EXD2: variants seen among roughly 807,000 people sequenced by gnomAD.
EXD2 encodes exonuclease 3'-5' domain containing 2.
A neutral mutation model predicts 62.5 loss-of-function variants in EXD2; 40 were observed. The observed-to-expected ratio is 0.64, with a 90% CI of 0.50 to 0.83. The LOEUF is 0.83. Ranked by LOEUF, EXD2 falls within the 40% of genes least tolerant of loss-of-function variation. EXD2 has a pLI of 0.00. For synonymous variants in EXD2, 239 were observed against 291.9 expected, an observed-to-expected ratio of 0.82 and a Z score of 1.85; for missense variants, 671 against 761.8, an observed-to-expected ratio of 0.88 and a Z score of 1.40.
Position 69,204,626 on chromosome 14 carries a change from A to T in EXD2, c.-48+626A>T, listed in dbSNP as rs142588654. ...AGAATGACAGATTGTTTCACTGATG[A>T]GATTTAGTGAGGGATCGAAAAGCTT... On this transcript the variant is annotated intron_variant, in intron 2 of 9. Transcript: ENST00000685843. Among the ~76,000 whole-genome samples, 373 of 152,266 alleles carry T rather than the reference A, an allele frequency of 2.4e-3. 2 individuals carry two copies. Among genetic ancestry groups the T allele is most frequent in the African/African-American group, 7.7e-3 (319 of 41,532 alleles).
intron 1 of EXD2, among the ~76,000 whole-genome samples, chr14:69,194,864 GTTA>G (rs903865515): frequency 6.6e-6 from 1 of 152,038 alleles, no homozygotes; most frequent in African/African-American, 2.4e-5. Flanking sequence ...AATATTTTTG[GTTA>G]TTATTAGTTT....
rs56333403 is a variant in EXD2, at chr14:69,206,455, C to CTT, written c.-48+2485_-48+2486dup. Among the ~76,000 whole-genome samples the CTT allele has an allele frequency of 1.3e-3, 122 of 94,620 alleles. 9 individuals are homozygous for CTT. The highest frequency in any genetic ancestry group is 3.6e-3 in the African/African-American group (80 of 22,170). 62.1% of individuals were successfully genotyped at this position (94,620 alleles called of 152,430 possible). A position where few individuals can be genotyped will look rare whatever the true frequency, so the allele number is the denominator to read the frequency against. ...CCCAGCTTCATCTCCCACCCACCCA[C>CTT]TTTTTTTTTTTTTTTTTTTTTTTTT... On this transcript the variant is annotated intron_variant, in intron 2 of 9. Coordinates refer to ENST00000685843, the MANE Select transcript of EXD2 (RefSeq NM_001193360.2).
chr14:69,241,534 T>G lies in EXD2; in HGVS notation c.*434T>G, dbSNP rs1352901893. On this transcript the variant is annotated 3_prime_UTR_variant, in exon 10 of 10. Transcript: ENST00000685843. The stretch of plus-strand genomic sequence containing the variant: ...CCTGTTAGGAGGGGAGAAAAAGTTC[T>G]TCCAAAGGCTGGAGAAGTGAACAAG... 1 of 267,788 alleles carries G rather than the reference T, an allele frequency of 3.7e-6. No homozygotes were observed. Among genetic ancestry groups the G allele is most frequent in the African/African-American group, 2.2e-5 (1 of 45,482 alleles). 16.6% of individuals were successfully genotyped at this position (267,788 alleles called of 1,614,324 possible). A position where few individuals can be genotyped will look rare whatever the true frequency, so the allele number is the denominator to read the frequency against.
chr14:69,202,831 TAGA>T (rs1594729803), intron 1 of EXD2, among the ~76,000 whole-genome samples: 1 of 152,194 alleles, frequency 6.6e-6, no homozygotes, highest in East Asian at 1.9e-4. Context: ...AGATGAAATT[TAGA>T]AGAAGGATTT....
chr14:69,196,751 G>A (rs560169121), intron 1 of EXD2, among the ~76,000 whole-genome samples: 1 of 151,166 alleles, frequency 6.6e-6, no homozygotes. Flanking sequence ...AGCCTCCCAA[G>A]TAGCTAAGTC....
In EXD2 at chr14:69,237,834, C is replaced by A; in HGVS notation, c.1552C>A (p.Gln518Lys). 6.2e-7 allele frequency: 1 copy of A among 1,613,616 alleles called. No homozygotes were observed. Among genetic ancestry groups the A allele is most frequent in the South Asian group, 1.1e-5 (1 of 90,986 alleles). The change falls in exon 9 of 10, where the codon CAG becomes AAG. Residue 518 changes from glutamine (Q) to lysine (K), a missense_variant. Coordinates refer to ENST00000685843, the MANE Select transcript of EXD2 (RefSeq NM_001193360.2). ...GCTCAACGCGGAGAGCCTGCCTACT[C>A]AGCGAAAGGAGGAGCTGCTGCAAGC... is the stretch of plus-strand genomic sequence containing the variant. ...ALLNAESLPT[Q>K]RKEELLQALR...
At chr14:69,231,370 C>A (rs763550426) in intron 5 of EXD2, among the ~76,000 whole-genome samples, 44 of 152,164 alleles carry the variant, frequency 2.9e-4, no homozygotes, top group Non-Finnish European at 2.5e-4. Flanking sequence ...TGACATCATA[C>A]TGTGGGAGAT....
In EXD2 at chr14:69,237,775, AGCGCCG is replaced by A; in HGVS notation, c.1496_1501del (p.Arg499_Arg500del). The A allele has an allele frequency of 6.2e-7, 1 of 1,613,660 alleles. No homozygotes were observed. The highest frequency in any genetic ancestry group is 8.5e-7 in the Non-Finnish European group (1 of 1,179,868). The stretch of plus-strand genomic sequence containing the variant: ...GGCTTGCGCCTGCTGGAAGATCCTG[AGCGCCG>A]GCAGGTGCGTTCTGGGGCCAGGGCC... On this transcript the variant is annotated inframe_deletion, in exon 9 of 10. Transcript: ENST00000685843.
chr14:69,226,693 A>C (rs757835183), intron 3 of EXD2, among the ~76,000 whole-genome samples: 4 of 151,938 alleles, frequency 2.6e-5, no homozygotes, highest in African/African-American at 9.7e-5. Flanking sequence ...GGTTGCAGTG[A>C]GCTGAGATTG....
intron 1 of EXD2, among the ~76,000 whole-genome samples, chr14:69,203,541 A>G (rs1479165914): frequency 6.6e-6 from 1 of 152,230 alleles, no homozygotes; most frequent in Non-Finnish European, 1.5e-5. Flanking sequence ...TTAAGGAGGG[A>G]GTAAACACTT....
At position 69,242,964 on chromosome 14, in the gene EXD2, C is replaced by T. The variant is rs955345637; in HGVS notation, c.*1864C>T. ...TAGGGCTGTTTCATTTTCTTTCCTT[C>T]TAATCCTCATGCCAAGAGGTGAGAA... On this transcript the variant is annotated 3_prime_UTR_variant, in exon 10 of 10. Transcript: ENST00000685843. 6.6e-6 allele frequency: 1 copy of T among 152,194 alleles called. No individual in the cohort carries two copies. Among genetic ancestry groups the T allele is most frequent in the African/African-American group, 2.4e-5 (1 of 41,458 alleles). The allele number at this position is 152,194 out of a possible 1,614,324, so 9.4% of individuals were successfully genotyped here. A position where few individuals can be genotyped will look rare whatever the true frequency, so the allele number is the denominator to read the frequency against.
At chr14:69,202,600 G>A (rs1158843848) in intron 1 of EXD2, among the ~76,000 whole-genome samples, 1 of 151,918 alleles carries the variant, frequency 6.6e-6, no homozygotes, top group Non-Finnish European at 1.5e-5. Context: ...AATGTGTTGT[G>A]TAAAAAGTTT....
At position 69,224,512 on chromosome 14, in the gene EXD2, G is replaced by C. The variant is rs149061957; in HGVS notation, c.334-4304G>C. Among the ~76,000 whole-genome samples, 569 of 152,258 alleles carry C rather than the reference G, an allele frequency of 3.7e-3. 6 individuals carry two copies. Among genetic ancestry groups the C allele is most frequent in the African/African-American group, 0.012 (494 of 41,556 alleles). On this transcript the variant is annotated intron_variant, in intron 3 of 9. Transcript: ENST00000685843. ...ATATCACACCCCTACTACCTCCTGA[G>C]TCCAAGCTTCAAGTATCTCTCACCT...
rs776194325 is a variant in EXD2 at position 69,209,578 on chromosome 14, G to T, written c.108G>T (p.Thr36=). Residue 36 remains threonine (T), a synonymous_variant, in exon 3 of 10, where the codon ACG becomes ACT. Transcript: ENST00000685843. ...TCCAGCGCCGCCGAAGGAGTAAAAC[G>T]AGTCCTGTGACCCAACAGCCACAGC... ...KGIQRRRRSK[T]SPVTQQPQQK... 1 of 1,550,392 alleles carries T rather than the reference G, an allele frequency of 6.4e-7. No individual in the cohort carries two copies. The highest frequency in any genetic ancestry group is 8.7e-7 in the Non-Finnish European group (1 of 1,146,992).
chr14:69,200,855 C>T (rs1292888965), intron 1 of EXD2, among the ~76,000 whole-genome samples: 7 of 152,060 alleles, frequency 4.6e-5, no homozygotes, highest in East Asian at 1.9e-4. Flanking sequence ...GGGTGGATCA[C>T]CTGAGGTCAG....
rs2043849294 is a variant in EXD2 at position 69,237,810 on chromosome 14, C to A, written c.1528C>A (p.Leu510Ile). The A allele has an allele frequency of 6.2e-7, 1 of 1,613,874 alleles. No homozygotes were observed. Among genetic ancestry groups the A allele is most frequent in the Middle Eastern group, 1.7e-4 (1 of 6,058 alleles). The change falls in exon 9 of 10, where the codon CTC (leucine) becomes ATC (isoleucine). Residue 510 changes from leucine to isoleucine, a missense_variant. Physicochemically the swap from Leu to Ile is conservative, Grantham distance 5 (BLOSUM62 2). Coordinates refer to ENST00000685843, the MANE Select transcript of EXD2 (RefSeq NM_001193360.2). ...GGTGCGTTCTGGGGCCAGGGCCCTG[C>A]TCAACGCGGAGAGCCTGCCTACTCA... ...RQVRSGARAL[L>I]NAESLPTQRK...
rs369614069 is a variant in EXD2 at position 69,191,571 on chromosome 14, C to G, written c.-152C>G. ...TTAACGTGAGCCCGCTGCAGGTGTG[C>G]GGCCCAGTCCGAGACAGCAGGTAAG... On this transcript the variant is annotated 5_prime_UTR_variant, in exon 1 of 10. Coordinates refer to ENST00000685843, the MANE Select transcript of EXD2 (RefSeq NM_001193360.2). The G allele has an allele frequency of 5.1e-4, 78 of 152,574 alleles. No homozygotes were observed. The highest frequency in any genetic ancestry group is 1.7e-3 in the African/African-American group (69 of 41,596). The allele number at this position is 152,574 out of a possible 1,614,324, so 9.5% of individuals were successfully genotyped here.
chr14:69,233,857 C>T (rs12434764), intron 5 of EXD2, among the ~76,000 whole-genome samples: 43,818 of 151,230 alleles, frequency 0.29, 8,648 homozygotes, highest in East Asian at 0.92. Context: ...TCTTCGTCTC[C>T]TGGGTTCAAG....
In EXD2 at chr14:69,206,455, C is replaced by CCTTTTTTTTTTTTTTTTTTTTTTTTTTTT. The variant is rs60787528; in HGVS notation, c.-48+2455_-48+2456insCTTTTTTTTTTTTTTTTTTTTTTTTTTTT. On this transcript the variant is annotated intron_variant, in intron 2 of 9. Coordinates refer to ENST00000685843, the MANE Select transcript of EXD2 (RefSeq NM_001193360.2). ...CCCAGCTTCATCTCCCACCCACCCA[C>CCTTTTTTTTTTTTTTTTTTTTTTTTTTTT]TTTTTTTTTTTTTTTTTTTTTTTTT... Among the ~76,000 whole-genome samples, 10 of 94,644 alleles carry CCTTTTTTTTTTTTTTTTTTTTTTTTTTTT rather than the reference C, an allele frequency of 1.1e-4. 4 individuals are homozygous for CCTTTTTTTTTTTTTTTTTTTTTTTTTTTT. The highest frequency in any genetic ancestry group is 3.6e-4 in the African/African-American group (8 of 22,182). 62.1% of individuals were successfully genotyped at this position (94,644 alleles called of 152,430 possible). A position where few individuals can be genotyped will look rare whatever the true frequency, so the allele number is the denominator to read the frequency against.
Sources: allele counts gnomAD v4.1 joint callset (sites outside exome capture counted in the v4.1 genomes callset), GRCh38; gene constraint gnomAD v4.1.1; transcripts MANE v1.5; gene names NCBI Gene and HGNC (gene_info 2026-07-23, HGNC 2026-07-21).